The following ATE1 variants were observed in gnomAD, a reference collection of about 807,000 sequenced individuals.
The protein encoded by ATE1 is arginyl-tRNA--protein transferase 1.
ATE1 carries 36 observed loss-of-function variants against 70.5 expected under a neutral mutation model. The ratio of observed to expected loss-of-function variants is 0.51; its 90% CI spans 0.39 to 0.67. The LOEUF is 0.67. ATE1 is among the 30% of genes least tolerant of loss of function. The probability of loss-of-function intolerance (pLI) is 0.00; values close to 1 mark genes in which losing one functional copy is unlikely to be tolerated. For synonymous variants in ATE1, 232 were observed against 219.3 expected, an observed-to-expected ratio of 1.06 and a Z score of -0.51; for missense variants, 593 against 629.5, an observed-to-expected ratio of 0.94 and a Z score of 0.62.
intron 11 of ATE1, among the ~76,000 whole-genome samples, chr10:121,781,057 TTTTG>T (rs542550781): frequency 1.2e-3 from 182 of 152,346 alleles, no homozygotes; most frequent in African/African-American, 3.9e-3. Flanking sequence ...TAAGCTAGCT[TTTTG>T]TTTGTTTGTT....
intron 11 of ATE1, among the ~76,000 whole-genome samples, chr10:121,756,946 A>G (rs1280288784): frequency 6.6e-6 from 1 of 152,192 alleles, no homozygotes; most frequent in Non-Finnish European, 1.5e-5. Flanking sequence ...AAGCAGCTTG[A>G]ATTCTCCTCA....
rs767609368 is a variant in ATE1 at position 121,743,630 on chromosome 10, G to T, written c.*50C>A. The T allele has an allele frequency of 3.3e-6, 5 of 1,517,250 alleles. No individual in the cohort carries two copies. In the South Asian group the frequency reaches 6.7e-5, roughly 20 times the overall value. 94.0% of individuals were successfully genotyped at this position (1,517,250 alleles called of 1,614,324 possible). On this transcript the variant is annotated 3_prime_UTR_variant, in exon 12 of 12. Transcript: ENST00000224652. ...CCCACAGGTACTGAATATGTATCCT[G>T]GCACAAATCATCAGCACAACACAGG...
chr10:121,790,176 T>G lies in ATE1; in HGVS notation c.1371A>C (p.Pro457=), dbSNP rs35350755. The part of the protein sequence containing the change: ...NSKYCRFNQD[P]EAVDEDRSTE... ...GCTCAGCTCCAAACATACCTGCTTC[T>G]GGGTCCTGGTTGAAACGGCAGTACT... The change falls in exon 11 of 12, where the codon CCA becomes CCC. Residue 457 remains proline (P), a synonymous_variant. Coordinates refer to ENST00000224652, the MANE Select transcript of ATE1 (RefSeq NM_001001976.3). 732,518 of 1,613,526 alleles carry G rather than the reference T, an allele frequency of 0.45. 167,379 individuals carry two copies. The highest frequency in any genetic ancestry group is 0.55 in the East Asian group (24,522 of 44,846).
At chr10:121,873,183 T>C (rs1016351976) in intron 7 of ATE1, among the ~76,000 whole-genome samples, 66 of 152,306 alleles carry the variant, frequency 4.3e-4, no homozygotes, top group African/African-American at 1.6e-3. Context: ...CACTGTCAAT[T>C]TGATTCACTT....
chr10:121,842,492 T>C (rs1948666350), intron 8 of ATE1, among the ~76,000 whole-genome samples: 1 of 151,634 alleles, frequency 6.6e-6, no homozygotes, highest in Non-Finnish European at 1.5e-5. Context: ...GAGAACAGGT[T>C]GAATAACACC....
chr10:121,802,361 T>C (rs1465846975), intron 10 of ATE1, among the ~76,000 whole-genome samples: 2 of 151,518 alleles, frequency 1.3e-5, no homozygotes, highest in African/African-American at 4.9e-5. Flanking sequence ...CAGGTTGGAG[T>C]GCAGTGGCAC....
chr10:121,775,755 G>A (rs2135915635), intron 11 of ATE1, among the ~76,000 whole-genome samples: 1 of 152,304 alleles, frequency 6.6e-6, no homozygotes, highest in Admixed American at 6.5e-5. Context: ...CTCAAATATG[G>A]CCACACAGGA....
At chr10:121,747,678 T>G (rs920504295) in intron 11 of ATE1, among the ~76,000 whole-genome samples, 1 of 152,232 alleles carries the variant, frequency 6.6e-6, no homozygotes, top group Non-Finnish European at 1.5e-5. Flanking sequence ...ATTTTCTCTG[T>G]TGTAAATACT....
At chr10:121,855,919 T>C (rs909030962) in intron 8 of ATE1, among the ~76,000 whole-genome samples, 1 of 151,180 alleles carries the variant, frequency 6.6e-6, no homozygotes, top group African/African-American at 2.4e-5. Flanking sequence ...CTACTAAAAA[T>C]ACAAAAATTA....
chr10:121,741,878 A>T lies in ATE1; in HGVS notation c.*1802T>A, dbSNP rs1944158042. On this transcript the variant is annotated 3_prime_UTR_variant, in exon 12 of 12. Coordinates refer to ENST00000224652, the MANE Select transcript of ATE1 (RefSeq NM_001001976.3). Reference sequence around the variant, plus strand: ...GTTCTTTTCTCCTTCTGAGTATGGTAGGGTTGTAGATGATTTTTACTTTTT... The same window carrying T: ...GTTCTTTTCTCCTTCTGAGTATGGTTGGGTTGTAGATGATTTTTACTTTTT... The T allele has an allele frequency of 6.6e-6, 1 of 152,160 alleles. No individual in the cohort carries two copies. The allele number at this position is 152,160 out of a possible 1,614,324, so 9.4% of individuals were successfully genotyped here.
rs143632950 is a variant in ATE1, at chr10:121,810,742, G to T, written c.1258-20453C>A. ...TGTTGAGACAGAGTCTCACTGTGTC[G>T]CCCAGGCTGGAGTGCAGTGGTGCAA... On this transcript the variant is annotated intron_variant, in intron 10 of 11. Coordinates refer to ENST00000224652, the MANE Select transcript of ATE1 (RefSeq NM_001001976.3). 5.3e-5 allele frequency among the ~76,000 whole-genome samples: 8 copies of T among 150,196 alleles called. No homozygotes were observed. The East Asian group carries it at 1.4e-3, about 26-fold the overall frequency.
At chr10:121,909,482 G>T (rs1443545975) in intron 5 of ATE1, among the ~76,000 whole-genome samples, 1 of 151,982 alleles carries the variant, frequency 6.6e-6, no homozygotes, top group Admixed American at 6.6e-5. Flanking sequence ...TGAAATACAG[G>T]ATATCACAAT....
Position 121,836,678 on chromosome 10 carries a change from T to G in ATE1, c.1257+40A>C, listed in dbSNP as rs778734439. On this transcript the variant is annotated intron_variant, in intron 10 of 11. Transcript: ENST00000224652. ...TAAAAATTTTATGAGAGATTCATTT[T>G]TCTATAATAAAAATACACATATGTG... The G allele has an allele frequency of 2.9e-5, 38 of 1,303,850 alleles. No homozygotes were observed. In the South Asian group the frequency reaches 5.0e-4, roughly 17 times the overall value. 80.8% of individuals were successfully genotyped at this position (1,303,850 alleles called of 1,614,324 possible).
At chr10:121,829,250 C>T (rs1378749113) in intron 10 of ATE1, among the ~76,000 whole-genome samples, 2 of 152,066 alleles carry the variant, frequency 1.3e-5, no homozygotes, top group African/African-American at 4.8e-5. Context: ...TAGTAAAACC[C>T]CATCTTTATT....
At chr10:121,778,234 T>C (rs919752553) in intron 11 of ATE1, among the ~76,000 whole-genome samples, 3 of 152,216 alleles carry the variant, frequency 2.0e-5, no homozygotes, top group Non-Finnish European at 4.4e-5. Context: ...CTTTCCATTG[T>C]AGGCTGTGAT....
rs1564942793 is a variant in ATE1, at chr10:121,899,975, G to A, written c.833C>T (p.Ser278Phe). 1.1e-5 allele frequency: 17 copies of A among 1,613,762 alleles called. No homozygotes were observed. The highest frequency in any genetic ancestry group is 1.6e-4 in the Middle Eastern group (1 of 6,062). The change falls in exon 7 of 12, where the codon TCT (serine) becomes TTT (phenylalanine). Residue 278 changes from serine (S) to phenylalanine (F), a missense_variant. Transcript: ENST00000224652. Reference protein sequence around the residue: ...HKLEVRVVRSSPPSSQFKATL... With the variant: ...HKLEVRVVRSFPPSSQFKATL... ...GGCTTTGAACTGCGAACTTGGTGGAGATGATCTCACCACCCTCACCTTCAG... is the reference window on the plus strand; with the variant it reads ...GGCTTTGAACTGCGAACTTGGTGGAAATGATCTCACCACCCTCACCTTCAG...
chr10:121,823,153 G>T (rs904896595), intron 10 of ATE1, among the ~76,000 whole-genome samples: 6 of 152,074 alleles, frequency 3.9e-5, no homozygotes, highest in African/African-American at 1.4e-4. Flanking sequence ...AGCCAGGCAC[G>T]GTGGCGGGCG....
chr10:121,919,394 C>T (rs1158282152), intron 3 of ATE1, among the ~76,000 whole-genome samples: 1 of 151,776 alleles, frequency 6.6e-6, no homozygotes, highest in Admixed American at 6.6e-5. Context: ...CCCATCTCTA[C>T]TAAAAATATC....
intron 10 of ATE1, among the ~76,000 whole-genome samples, chr10:121,792,312 C>T (rs778602714): frequency 3.7e-4 from 57 of 152,104 alleles, no homozygotes; most frequent in Non-Finnish European, 7.8e-4. Context: ...ACATTCTGGG[C>T]AGCAGTCAGA....
Sources: gnomAD v4.1 joint callset for allele counts (sites outside exome capture counted in the v4.1 genomes callset) on GRCh38, gnomAD v4.1.1 for gene constraint, MANE v1.5 for transcripts, NCBI Gene and HGNC (gene_info 2026-07-23, HGNC 2026-07-21) for gene names.